The following THRAP3 variants were observed in gnomAD, a reference collection of about 807,000 sequenced individuals.
THRAP3 encodes the protein thyroid hormone receptor-associated protein 3.
Under a neutral mutation model 101.0 loss-of-function variants are expected in THRAP3, and 16 were observed. The ratio of observed to expected loss-of-function variants is 0.16; its 90% CI spans 0.11 to 0.24. The LOEUF is 0.24. THRAP3 is among the 10% of genes least tolerant of loss of function. The probability of loss-of-function intolerance (pLI) is 1.00; values close to 1 mark genes in which losing one functional copy is unlikely to be tolerated. For missense variants in THRAP3, 989 were observed against 1,202.7 expected (o/e 0.82, Z 2.63); for synonymous variants, 407 against 422.6 (o/e 0.96, Z 0.45).
chr1:36,301,012 C>T lies in THRAP3; in HGVS notation c.2430C>T (p.Asp810=). Reference sequence around the variant, plus strand: ...GAGAGGAGAGCACCACGGGCTTTGACAAATCAAGACTGGGGACCAAAGACT... The same window carrying T: ...GAGAGGAGAGCACCACGGGCTTTGATAAATCAAGACTGGGGACCAAAGACT... ...EEREESTTGF[D]KSRLGTKDFV... Residue 810 remains aspartate (D), a synonymous_variant, in exon 10 of 12, where the codon GAC becomes GAT. Transcript: ENST00000354618. 1 of 1,614,194 alleles carries T rather than the reference C, an allele frequency of 6.2e-7. No individual in the cohort carries two copies. Among genetic ancestry groups the T allele is most frequent in the Non-Finnish European group, 8.5e-7 (1 of 1,180,036 alleles).
chr1:36,241,389 ATATATATATATATATATATATATAT>A (rs1645156566), intron 1 of THRAP3, among the ~76,000 whole-genome samples: 2 of 1,820 alleles, frequency 1.1e-3, no homozygotes, highest in African/African-American at 1.3e-3. Context: ...ATGGGTGTAT[ATATATATATATATATATATATATAT>A]ATATATATAT....
chr1:36,304,104 G>A lies in THRAP3; in HGVS notation c.*87G>A. The A allele has an allele frequency of 7.0e-7, 1 of 1,437,332 alleles. No homozygotes were observed. 89.0% of individuals were successfully genotyped at this position (1,437,332 alleles called of 1,614,324 possible). The stretch of plus-strand genomic sequence containing the variant: ...GAGCTTAACAGAGGAACCTCAAGAA[G>A]ATTCTGAAAATCCTACCCCCACCCC... On this transcript the variant is annotated 3_prime_UTR_variant, in exon 12 of 12. Transcript: ENST00000354618.
chr1:36,236,388 A>T (rs1645088746), intron 1 of THRAP3, among the ~76,000 whole-genome samples: 2 of 152,142 alleles, frequency 1.3e-5, no homozygotes, highest in African/African-American at 4.8e-5. Context: ...AGGACATTTC[A>T]TTCTCAGAAA....
At chr1:36,288,606 G>A in intron 4 of THRAP3, 11 of 985,412 alleles carry the variant, frequency 1.1e-5, no homozygotes, top group Non-Finnish European at 1.3e-5. Context: ...TCTCTTTTTA[G>A]ACTTGTATTT....
At chr1:36,238,676 A>C (rs1645119478) in intron 1 of THRAP3, among the ~76,000 whole-genome samples, 1 of 152,128 alleles carries the variant, frequency 6.6e-6, no homozygotes, top group Non-Finnish European at 1.5e-5. Flanking sequence ...TAGAAGATTT[A>C]GTGTAATGAG....
At chr1:36,213,388 G>C in the THRAP3 span, among the ~76,000 whole-genome samples, 1 of 152,084 alleles carries the variant, frequency 6.6e-6, no homozygotes, top group Admixed American at 6.6e-5. Context: ...GACATGTTCT[G>C]TTCTTTGAGA....
the THRAP3 span, among the ~76,000 whole-genome samples, chr1:36,212,513 T>C: frequency 2.0e-5 from 3 of 146,848 alleles, no homozygotes; most frequent in South Asian, 4.5e-4. Flanking sequence ...CTCCACCTCC[T>C]GCGTTCGAGC....
intron 9 of THRAP3, among the ~76,000 whole-genome samples, chr1:36,297,983 G>GAA (rs574500754): frequency 8.8e-5 from 12 of 135,936 alleles, no homozygotes; most frequent in Non-Finnish European, 1.6e-4. Context: ...TGTCTCTACT[G>GAA]AAAAAAAAAA....
intron 5 of THRAP3, among the ~76,000 whole-genome samples, chr1:36,290,121 A>G (rs1034645395): frequency 6.6e-6 from 1 of 152,138 alleles, no homozygotes; most frequent in African/African-American, 2.4e-5. Context: ...CAAAGTCTAT[A>G]GTACGGCCCT....
chr1:36,287,911 G>C, intron 4 of THRAP3: 1 of 985,398 alleles, frequency 1.0e-6, no homozygotes, highest in East Asian at 1.1e-4. Context: ...TGGTTGGATG[G>C]ATTGGGATGG....
At chr1:36,271,834 T>C (rs1645595807) in intron 2 of THRAP3, among the ~76,000 whole-genome samples, 1 of 152,030 alleles carries the variant, frequency 6.6e-6, no homozygotes, top group African/African-American at 2.4e-5. Context: ...CCTCAGGTGA[T>C]CAGCCCGCCT....
chr1:36,214,227 G>C, the THRAP3 span, among the ~76,000 whole-genome samples: 1 of 152,190 alleles, frequency 6.6e-6, no homozygotes, highest in African/African-American at 2.4e-5. Flanking sequence ...GCACAGATGG[G>C]TGATTTCAAC....
At chr1:36,258,292 G>C (rs1645401832) in intron 1 of THRAP3, among the ~76,000 whole-genome samples, 1 of 152,334 alleles carries the variant, frequency 6.6e-6, no homozygotes, top group South Asian at 2.1e-4. Flanking sequence ...AGAAGTTTTG[G>C]CTGATGTAAC....
chr1:36,235,599 A>G (rs1187652319), intron 1 of THRAP3, among the ~76,000 whole-genome samples: 1 of 152,140 alleles, frequency 6.6e-6, no homozygotes, highest in African/African-American at 2.4e-5. Flanking sequence ...CCACCGTGAC[A>G]AAAAAATATG....
rs375881475 is a variant in THRAP3 at position 36,243,692 on chromosome 1, C to T, written c.-134-15690C>T. On this transcript the variant is annotated intron_variant, in intron 1 of 11. Coordinates refer to ENST00000354618, the MANE Select transcript of THRAP3 (RefSeq NM_005119.4). ...CAAAACCGCCATTGTCATCATGGCC[C>T]GTTCTCAATGAGCCGCTGGGCACAC... is the stretch of plus-strand genomic sequence containing the variant. Among the ~76,000 whole-genome samples, 137 of 152,342 alleles carry T rather than the reference C, an allele frequency of 9.0e-4. 2 individuals carry two copies. In the East Asian group the frequency reaches 0.013, roughly 15 times the overall value.
chr1:36,303,908 C>T lies in THRAP3; in HGVS notation c.2759C>T (p.Pro920Leu). The T allele has an allele frequency of 1.9e-6, 3 of 1,613,608 alleles. No individual in the cohort carries two copies. Among genetic ancestry groups the T allele is most frequent in the Non-Finnish European group, 2.5e-6 (3 of 1,179,820 alleles). Residue 920 changes from proline (P) to leucine (L), a missense_variant, in exon 12 of 12, where the codon CCC becomes CTC. Physicochemically the swap from Pro to Leu is moderately conservative, Grantham distance 98. Coordinates refer to ENST00000354618, the MANE Select transcript of THRAP3 (RefSeq NM_005119.4). Reference sequence around the variant, plus strand: ...ATGTTCCGGAAATCAAGTACCAGCCCCAAGTGGGCCCATGACAAGTTCAGT... The same window carrying T: ...ATGTTCCGGAAATCAAGTACCAGCCTCAAGTGGGCCCATGACAAGTTCAGT... ...RFMFRKSSTS[P>L]KWAHDKFSGE...
chr1:36,236,903 G>A (rs1202497716), intron 1 of THRAP3, among the ~76,000 whole-genome samples: 4 of 152,152 alleles, frequency 2.6e-5, no homozygotes, highest in Non-Finnish European at 5.9e-5. Flanking sequence ...AATGCTGGGT[G>A]TGGTGGCTCA....
chr1:36,216,353 G>A, the THRAP3 span, among the ~76,000 whole-genome samples: 3 of 151,602 alleles, frequency 2.0e-5, no homozygotes, highest in Admixed American at 2.0e-4. Flanking sequence ...AACCCCGTCT[G>A]TACTAAAAAT....
Position 36,305,327 on chromosome 1 carries a change from CAAATA to C in THRAP3, c.*1318_*1322del, listed in dbSNP as rs1371608911. On this transcript the variant is annotated 3_prime_UTR_variant, in exon 12 of 12. Transcript: ENST00000354618. ...TTAAAATTTGTTTCAACTCCTCCTG[CAAATA>C]AAATAAATGAAGTGGCAGATGTAAA... 1.1e-5 allele frequency: 2 copies of C among 188,106 alleles called. No individual in the cohort carries two copies. Among genetic ancestry groups the C allele is most frequent in the African/African-American group, 2.3e-5 (1 of 42,752 alleles). The allele number at this position is 188,106 out of a possible 1,614,324, so 11.7% of individuals were successfully genotyped here. A position where few individuals can be genotyped will look rare whatever the true frequency, so the allele number is the denominator to read the frequency against.
Sources: gnomAD v4.1 joint callset for allele counts (sites outside exome capture counted in the v4.1 genomes callset) on GRCh38, gnomAD v4.1.1 for gene constraint, MANE v1.5 for transcripts, NCBI Gene and HGNC (gene_info 2026-07-23, HGNC 2026-07-21) for gene names.